The following KAZN variants were observed in gnomAD, a reference collection of about 807,000 sequenced individuals.
The protein encoded by KAZN is kazrin, periplakin interacting protein, also known as kazrin.
In KAZN, 40 loss-of-function variants were observed where a neutral mutation model predicts 87.4. That is an observed-to-expected ratio of 0.46 (90% CI 0.36 to 0.60). KAZN has a LOEUF of 0.60. KAZN is among the 20% of genes least tolerant of loss of function. KAZN has a pLI of 0.00. For synonymous variants in KAZN, 466 were observed against 458.3 expected (o/e 1.02, Z -0.22); for missense variants, 898 against 1,073.9 (o/e 0.84, Z 2.29).
At chr1:14,559,797 C>T (rs191588557) in intron 2 of KAZN, among the ~76,000 whole-genome samples, 3 of 152,276 alleles carry the variant, frequency 2.0e-5, no homozygotes, top group African/African-American at 7.2e-5. Context: ...AGTTCCAAAT[C>T]TGCGTGCAAC....
chr1:14,847,867 T>C (rs537096251), intron 1 of KAZN, among the ~76,000 whole-genome samples: 2 of 152,166 alleles, frequency 1.3e-5, no homozygotes, highest in Non-Finnish European at 2.9e-5. Context: ...ACAGTCCTAG[T>C]TTCTTGGGAG....
intron 2 of KAZN, among the ~76,000 whole-genome samples, chr1:14,973,824 G>A (rs1171338861): frequency 2.0e-5 from 3 of 152,174 alleles, no homozygotes; most frequent in Admixed American, 6.5e-5. Context: ...ATTTCTTGTG[G>A]AGATTACATT....
intron 1 of KAZN, among the ~76,000 whole-genome samples, chr1:13,982,970 A>G (rs562355174): frequency 5.0e-4 from 76 of 151,958 alleles, no homozygotes; most frequent in African/African-American, 1.7e-3. Flanking sequence ...TGAGCTAGAC[A>G]CAGGGTGCTG....
chr1:14,157,583 A>C (rs1306893452), intron 1 of KAZN, among the ~76,000 whole-genome samples: 1 of 152,140 alleles, frequency 6.6e-6, no homozygotes, highest in East Asian at 1.9e-4. Context: ...TCCACTGAAA[A>C]GTCTGCTGCC....
chr1:14,409,332 C>T (rs999750099), intron 2 of KAZN, among the ~76,000 whole-genome samples: 1 of 152,098 alleles, frequency 6.6e-6, no homozygotes, highest in African/African-American at 2.4e-5. Flanking sequence ...ATGAGTGTAT[C>T]CACATGAAGC....
intron 1 of KAZN, among the ~76,000 whole-genome samples, chr1:14,902,067 G>T (rs551806969): frequency 6.6e-6 from 1 of 152,266 alleles, no homozygotes; most frequent in South Asian, 2.1e-4. Context: ...CAGGCACCTA[G>T]CGAGGTGGGA....
chr1:14,415,891 G>A (rs776835846), intron 2 of KAZN, among the ~76,000 whole-genome samples: 2 of 152,124 alleles, frequency 1.3e-5, no homozygotes, highest in Non-Finnish European at 2.9e-5. Flanking sequence ...TGCTTCCCAA[G>A]CATGGCCACC....
At chr1:14,478,272 A>AAG in intron 2 of KAZN, among the ~76,000 whole-genome samples, 1 of 125,570 alleles carries the variant, frequency 8.0e-6, no homozygotes, top group South Asian at 2.4e-4. Context: ...GAAGGAAGGA[A>AAG]GAAAGGAAGG....
chr1:14,315,794 T>C (rs1030712081), intron 2 of KAZN, among the ~76,000 whole-genome samples: 33 of 152,134 alleles, frequency 2.2e-4, no homozygotes, highest in African/African-American at 8.0e-4. Context: ...TGTTTACTGT[T>C]CACCTGGTAA....
At chr1:14,872,805 C>T (rs893380444) in intron 1 of KAZN, among the ~76,000 whole-genome samples, 5 of 145,270 alleles carry the variant, frequency 3.4e-5, no homozygotes, top group Non-Finnish European at 6.1e-5. Flanking sequence ...GATGGATGGA[C>T]GTACAGATGG....
At chr1:14,738,741 G>T (rs1300258477) in intron 1 of KAZN, among the ~76,000 whole-genome samples, 1 of 152,036 alleles carries the variant, frequency 6.6e-6, no homozygotes, top group African/African-American at 2.4e-5. Context: ...TTATGTACTG[G>T]ATTTTTTTCG....
intron 1 of KAZN, among the ~76,000 whole-genome samples, chr1:14,146,536 C>CAAAAAAAAAAAA (rs55928646): frequency 3.1e-5 from 2 of 63,500 alleles, no homozygotes; most frequent in Non-Finnish European, 5.7e-5. Flanking sequence ...AACTCCATCT[C>CAAAAAAAAAAAA]AAAAAAAAAA....
intron 2 of KAZN, among the ~76,000 whole-genome samples, chr1:14,420,242 C>T (rs1464325621): frequency 6.6e-6 from 1 of 152,174 alleles, no homozygotes; most frequent in Non-Finnish European, 1.5e-5. Context: ...CATTTACCAT[C>T]CTCTAGCTAG....
intron 2 of KAZN, among the ~76,000 whole-genome samples, chr1:14,485,948 G>A (rs1399582540): frequency 6.6e-6 from 1 of 151,212 alleles, no homozygotes; most frequent in Non-Finnish European, 1.5e-5. Flanking sequence ...GCCCTGAGCA[G>A]CTACTCTCTG....
intron 2 of KAZN, among the ~76,000 whole-genome samples, chr1:14,473,558 C>T (rs1303147665): frequency 1.3e-5 from 2 of 149,418 alleles, no homozygotes; most frequent in Admixed American, 1.4e-4. Context: ...ACCGGGGAGG[C>T]AGAGATTGCA....
At chr1:14,287,004 A>G (rs1029589195) in intron 2 of KAZN, among the ~76,000 whole-genome samples, 1 of 152,144 alleles carries the variant, frequency 6.6e-6, no homozygotes, top group Non-Finnish European at 1.5e-5. Context: ...TGATGAGAGC[A>G]GTTGGAACTA....
intron 2 of KAZN, among the ~76,000 whole-genome samples, chr1:14,544,350 C>CTTTTTTTTTTTTTT (rs374148415): frequency 8.6e-4 from 84 of 98,100 alleles, no homozygotes; most frequent in Non-Finnish European, 1.0e-3. Flanking sequence ...TTCTTTCTTT[C>CTTTTTTTTTTTTTT]TTTTTTTTTT....
chr1:14,640,765 T>G (rs1314211035), intron 1 of KAZN, among the ~76,000 whole-genome samples: 1 of 152,214 alleles, frequency 6.6e-6, no homozygotes, highest in African/African-American at 2.4e-5. Flanking sequence ...CCTGGATAAC[T>G]CTTTGCCTTC....
At chr1:15,083,917 CG>C (rs1240047023) in intron 8 of KAZN, among the ~76,000 whole-genome samples, 2 of 152,124 alleles carry the variant, frequency 1.3e-5, no homozygotes, top group African/African-American at 4.8e-5. Flanking sequence ...CACTGGGAGG[CG>C]GGGAATTCAG....
Sources: gnomAD v4.1 joint callset for allele counts (sites outside exome capture counted in the v4.1 genomes callset) on GRCh38, gnomAD v4.1.1 for gene constraint, MANE v1.5 for transcripts, NCBI Gene and HGNC (gene_info 2026-07-23, HGNC 2026-07-21) for gene names.